The following BNC2 variants were observed in gnomAD, a reference collection of about 807,000 sequenced individuals.
The protein encoded by BNC2 is zinc finger protein basonuclin-2.
BNC2 carries 20 observed loss-of-function variants against 76.3 expected under a neutral mutation model. The ratio of observed to expected loss-of-function variants is 0.26; its 90% confidence interval spans 0.18 to 0.38. BNC2 has a LOEUF of 0.38. Ranked by LOEUF, BNC2 falls within the 10% of genes least tolerant of loss-of-function variation. The pLI, the probability that BNC2 is intolerant of heterozygous loss-of-function variation, is 1.00. For synonymous variants in BNC2, 582 were observed against 514.8 expected, an observed-to-expected ratio of 1.13 and a Z score of -1.77; for missense variants, 1,382 against 1,399.8, an observed-to-expected ratio of 0.99 and a Z score of 0.20.
At position 16,735,402 on chromosome 9, in the gene BNC2, A is replaced by C. The variant is rs796128443; in HGVS notation, c.129+2958T>G. Among the ~76,000 whole-genome samples the C allele has an allele frequency of 4.6e-3, 693 of 152,170 alleles. 1 individual carries two copies. Among genetic ancestry groups the C allele is most frequent in the African/African-American group, 0.015 (635 of 41,534 alleles). On this transcript the variant is annotated intron_variant, in intron 2 of 6. Transcript: ENST00000380672. ...GGCTTTACTTAAATGAATTTAAAAA[A>C]AAAAAAAAAAAAAAACAGGCTGGGG...
chr9:16,657,683 C>T (rs1169525733), intron 3 of BNC2, among the ~76,000 whole-genome samples: 1 of 152,110 alleles, frequency 6.6e-6, no homozygotes, highest in Non-Finnish European at 1.5e-5. Context: ...TAGAAATAAA[C>T]TCTAGGAGAA....
chr9:16,833,441 A>C (rs1248876432), intron 1 of BNC2, among the ~76,000 whole-genome samples: 1 of 152,200 alleles, frequency 6.6e-6, no homozygotes, highest in Non-Finnish European at 1.5e-5. Flanking sequence ...GGAAGAGAAA[A>C]AAAACTAGCT....
intron 5 of BNC2, among the ~76,000 whole-genome samples, chr9:16,454,835 A>G (rs1462327479): frequency 6.6e-6 from 1 of 152,232 alleles, no homozygotes; most frequent in Non-Finnish European, 1.5e-5. Flanking sequence ...AAGAATATTA[A>G]TATTTTCTAA....
chr9:16,700,065 G>C (rs1823462750), intron 3 of BNC2, among the ~76,000 whole-genome samples: 1 of 152,132 alleles, frequency 6.6e-6, no homozygotes, highest in African/African-American at 2.4e-5. Flanking sequence ...TGTATGATAT[G>C]TATATGTCTT....
chr9:16,646,765 G>A (rs1056302892), intron 3 of BNC2, among the ~76,000 whole-genome samples: 24 of 151,962 alleles, frequency 1.6e-4, no homozygotes, highest in African/African-American at 4.4e-4. Context: ...TAAGAAATTC[G>A]GGGTTAAATT....
chr9:16,655,697 ATT>A, intron 3 of BNC2, among the ~76,000 whole-genome samples: 1 of 152,326 alleles, frequency 6.6e-6, no homozygotes, highest in African/African-American at 2.4e-5. Context: ...ATTATAGAAT[ATT>A]TTCCTTGAAT....
chr9:16,844,144 G>GTTT (rs5896709), intron 1 of BNC2, among the ~76,000 whole-genome samples: 1 of 146,720 alleles, frequency 6.8e-6, no homozygotes. Flanking sequence ...TTTCTCATAA[G>GTTT]TTTTTTTTTT....
At chr9:16,534,750 T>G (rs1818078616) in intron 5 of BNC2, among the ~76,000 whole-genome samples, 1 of 152,198 alleles carries the variant, frequency 6.6e-6, no homozygotes, top group Non-Finnish European at 1.5e-5. Flanking sequence ...ATAAATAACC[T>G]AGATATGATT....
chr9:16,821,889 C>G (rs932265481), intron 1 of BNC2, among the ~76,000 whole-genome samples: 5 of 151,900 alleles, frequency 3.3e-5, no homozygotes, highest in African/African-American at 1.2e-4. Flanking sequence ...GTCAGGAGAT[C>G]GAGACCATCC....
intron 5 of BNC2, among the ~76,000 whole-genome samples, chr9:16,493,703 G>A (rs895540579): frequency 1.2e-4 from 18 of 152,304 alleles, no homozygotes; most frequent in African/African-American, 4.1e-4. Context: ...AGGCATTCAG[G>A]TTGCTCCCAT....
At chr9:16,858,673 G>A (rs10283446) in intron 1 of BNC2, among the ~76,000 whole-genome samples, 7,268 of 151,858 alleles carry the variant, frequency 0.048, 346 homozygotes, top group East Asian at 0.21. Flanking sequence ...GTAAAACCCC[G>A]TCTCTATGAA....
intron 3 of BNC2, among the ~76,000 whole-genome samples, chr9:16,654,253 C>CCCAA (rs1821868040): frequency 6.6e-6 from 1 of 152,136 alleles, no homozygotes; most frequent in African/African-American, 2.4e-5. Flanking sequence ...TCTGCCGAAC[C>CCCAA]CCAACACCAT....
At chr9:16,651,694 CT>C (rs1339703272) in intron 3 of BNC2, among the ~76,000 whole-genome samples, 5 of 152,180 alleles carry the variant, frequency 3.3e-5, no homozygotes, top group African/African-American at 4.8e-5. Flanking sequence ...TAGTCTGTTA[CT>C]GGCAATAAAC....
chr9:16,835,419 C>G (rs1351294412), intron 1 of BNC2, among the ~76,000 whole-genome samples: 1 of 152,126 alleles, frequency 6.6e-6, no homozygotes, highest in Non-Finnish European at 1.5e-5. Flanking sequence ...GTGTACTTGG[C>G]CAGGCATGGT....
Position 16,777,159 on chromosome 9 carries a change from A to C in BNC2, c.4-38674T>G, listed in dbSNP as rs77294417. On this transcript the variant is annotated intron_variant, in intron 1 of 6. Transcript: ENST00000380672. ...ATAATTAATTAATAAATTAAAAAAT[A>C]AAAGTAAATAAATAAATAAATAAAC... Among the ~76,000 whole-genome samples the C allele has an allele frequency of 1.7e-3, 263 of 152,076 alleles. 4 individuals carry two copies. In the East Asian group the frequency reaches 0.034, roughly 19 times the overall value.
At chr9:16,746,032 C>A (rs1449057747) in intron 1 of BNC2, among the ~76,000 whole-genome samples, 1 of 152,178 alleles carries the variant, frequency 6.6e-6, no homozygotes, top group Non-Finnish European at 1.5e-5. Context: ...ACCAAAAAAT[C>A]TTAGGAAACA....
At chr9:16,584,598 T>G (rs1450147146) in intron 3 of BNC2, among the ~76,000 whole-genome samples, 1 of 152,194 alleles carries the variant, frequency 6.6e-6, no homozygotes. Flanking sequence ...TATTTCAGGA[T>G]CTCTCTTCCA....
intron 5 of BNC2, among the ~76,000 whole-genome samples, chr9:16,449,351 G>A (rs1302767008): frequency 1.3e-5 from 2 of 152,136 alleles, no homozygotes; most frequent in Non-Finnish European, 2.9e-5. Flanking sequence ...ATCCAGGCTT[G>A]CACAAATCTT....
chr9:16,545,580 C>T (rs1016888728), intron 5 of BNC2, among the ~76,000 whole-genome samples: 1 of 152,072 alleles, frequency 6.6e-6, no homozygotes, highest in Non-Finnish European at 1.5e-5. Context: ...CTTTTCTGGT[C>T]CAACTCTATA....
Sources: gnomAD v4.1 joint callset for allele counts (sites outside exome capture counted in the v4.1 genomes callset) on GRCh38, gnomAD v4.1.1 for gene constraint, MANE v1.5 for transcripts, NCBI Gene and HGNC (gene_info 2026-07-23, HGNC 2026-07-21) for gene names.